The following ABI3BP variants were observed in gnomAD, a reference collection of about 807,000 sequenced individuals.
The protein encoded by ABI3BP is target of Nesh-SH3.
A neutral mutation model predicts 268.6 loss-of-function variants in ABI3BP; 216 were observed. The ratio of observed to expected loss-of-function variants is 0.80; its 90% CI spans 0.72 to 0.90. The LOEUF (loss-of-function observed/expected upper bound fraction) is 0.90. ABI3BP is among the 40% of genes least tolerant of loss of function. The probability of loss-of-function intolerance (pLI) is 0.00; values close to 1 mark genes in which losing one functional copy is unlikely to be tolerated. For synonymous variants in ABI3BP, 730 were observed against 730.0 expected (o/e 1.00, Z 0.00); for missense variants, 2,090 against 2,182.4 (o/e 0.96, Z 0.84).
intron 1 of ABI3BP, among the ~76,000 whole-genome samples, chr3:100,927,716 C>T (rs2062252262): frequency 6.6e-6 from 1 of 152,068 alleles, no homozygotes; most frequent in African/African-American, 2.4e-5. Flanking sequence ...CATTAGAAAC[C>T]ACCCTTGTGA....
At chr3:100,798,446 C>A (rs1331940366) in intron 51 of ABI3BP, among the ~76,000 whole-genome samples, 1 of 151,962 alleles carries the variant, frequency 6.6e-6, no homozygotes, top group East Asian at 1.9e-4. Context: ...TTAAATTGAA[C>A]AAGAGCACGG....
chr3:100,796,766 A>T (rs2097358406), intron 51 of ABI3BP, among the ~76,000 whole-genome samples: 1 of 152,106 alleles, frequency 6.6e-6, no homozygotes, highest in Non-Finnish European at 1.5e-5. Context: ...AGCTCCCTCA[A>T]GTGGCTTTCA....
At chr3:100,817,374 A>G in intron 42 of ABI3BP, 62 bp downstream of exon 42, 1 of 1,172,498 alleles carries the variant, frequency 8.5e-7, no homozygotes, top group Non-Finnish European at 1.2e-6. Flanking sequence ...GATTATGATA[A>G]TGATGGAATG....
intron 62 of ABI3BP, among the ~76,000 whole-genome samples, chr3:100,767,818 A>T (rs1422029136): frequency 6.6e-6 from 1 of 152,112 alleles, no homozygotes; most frequent in Non-Finnish European, 1.5e-5. Context: ...TGCTTTTATT[A>T]TTATTTATCA....
At chr3:100,932,419 G>A (rs997036383) in intron 1 of ABI3BP, among the ~76,000 whole-genome samples, 18 of 151,982 alleles carry the variant, frequency 1.2e-4, no homozygotes, top group African/African-American at 4.3e-4. Flanking sequence ...CTATAGAAAG[G>A]GAGAAAATAT....
At position 100,886,290 on chromosome 3, in the gene ABI3BP, T is replaced by TTTATCTC. The variant is rs745422888; in HGVS notation, c.494_495insGAGATAA (p.Glu166ArgfsTer2). 6.2e-7 allele frequency: 1 copy of TTTATCTC among 1,606,586 alleles called. No homozygotes were observed. ...AGATTTGAAAAATCCACTTCTTTTC[T>TTTATCTC]TTATCCTTTTCTCGATAGCGAATTG... On this transcript the variant is annotated stop_gained and frameshift_variant, in exon 5 of 68. Coordinates refer to ENST00000471714, the MANE Select transcript of ABI3BP (RefSeq NM_001375547.2). LOFTEE classifies it high-confidence loss of function.
chr3:100,851,943 T>TAAAAAAA lies in ABI3BP; in HGVS notation c.1286-10_1286-4dup. 4.3e-6 allele frequency: 6 copies of TAAAAAAA among 1,391,338 alleles called. No individual in the cohort carries two copies. The highest frequency in any genetic ancestry group is 5.8e-6 in the Non-Finnish European group (6 of 1,042,222). The allele number at this position is 1,391,338 out of a possible 1,614,324, so 86.2% of individuals were successfully genotyped here. A position where few individuals can be genotyped will look rare whatever the true frequency, so the allele number is the denominator to read the frequency against. On this transcript the variant is annotated splice_polypyrimidine_tract_variant and splice_region_variant and intron_variant, in intron 14 of 67. Transcript: ENST00000471714. ...GCTTGAGAAAACATCATAAGTTGCT[T>TAAAAAAA]AAAAAAAAAAAAAAGGCAAAACAAG...
chr3:100,983,053 A>G (rs2090326736), intron 1 of ABI3BP, among the ~76,000 whole-genome samples: 1 of 152,212 alleles, frequency 6.6e-6, no homozygotes, highest in Admixed American at 6.5e-5. Context: ...GTGGCCTCTC[A>G]GGAGGACCCT....
rs1203471274 is a variant in ABI3BP, at chr3:100,774,601, A to T, written c.4531+4T>A. The T allele has an allele frequency of 1.3e-6, 2 of 1,575,526 alleles. No homozygotes were observed. The highest frequency in any genetic ancestry group is 2.4e-5 in the South Asian group (2 of 84,612). ...ATGTGAGATTCACAGCCAGTCATAC[A>T]TACCTTTGAATCTTGGCTTCCCAAG... On this transcript the variant is annotated splice_donor_region_variant and intron_variant, in intron 61 of 67. Coordinates refer to ENST00000471714, the MANE Select transcript of ABI3BP (RefSeq NM_001375547.2).
chr3:100,750,370 AT>A lies in ABI3BP; in HGVS notation c.*124del. On this transcript the variant is annotated 3_prime_UTR_variant, in exon 68 of 68. Coordinates refer to ENST00000471714, the MANE Select transcript of ABI3BP (RefSeq NM_001375547.2). ...TCTTTTCTAATAATAAACATCTAGTATTGCTATTAATTAGATTGTAGACTTT... is the reference window on the plus strand; with the variant it reads ...TCTTTTCTAATAATAAACATCTAGTATGCTATTAATTAGATTGTAGACTTT... The A allele has an allele frequency of 1.6e-6, 1 of 613,222 alleles. No individual in the cohort carries two copies. The highest frequency in any genetic ancestry group is 2.7e-6 in the Non-Finnish European group (1 of 365,888). The allele number at this position is 613,222 out of a possible 1,614,324, so 38.0% of individuals were successfully genotyped here.
intron 67 of ABI3BP, 105 bp downstream of exon 67, chr3:100,751,447 G>A (rs1293927331): frequency 8.3e-7 from 1 of 1,207,440 alleles, no homozygotes; most frequent in Non-Finnish European, 1.1e-6. Flanking sequence ...ATGTGGAGCA[G>A]TAGTACTATA....
intron 60 of ABI3BP, 61 bp from the exon 61 acceptor site, chr3:100,774,734 A>G: frequency 7.8e-7 from 1 of 1,287,518 alleles, no homozygotes; most frequent in Non-Finnish European, 1.1e-6. Flanking sequence ...CAATACAATG[A>G]AAAAGTTGTA....
In ABI3BP at chr3:100,753,838, T is replaced by G; in HGVS notation, c.4941A>C (p.Arg1647Ser). 1 of 1,610,866 alleles carries G rather than the reference T, an allele frequency of 6.2e-7. No individual in the cohort carries two copies. The highest frequency in any genetic ancestry group is 8.5e-7 in the Non-Finnish European group (1 of 1,178,680). ...ACTTACCAGAAACTGGCTCACTCAC[T>G]CTTGGGTCCGCTGAGGAGAAATAAA... is the stretch of plus-strand genomic sequence containing the variant. ...VAFSTESADP[R>S]VSEPVSAGRD... Residue 1647 changes from arginine (R) to serine (S), a missense_variant, in exon 65 of 68, where the codon AGA (arginine) becomes AGC (serine). Transcript: ENST00000471714.
At chr3:100,828,332 G>T in intron 34 of ABI3BP, 61 bp downstream of exon 34, 1 of 1,432,190 alleles carries the variant, frequency 7.0e-7, no homozygotes, top group Non-Finnish European at 9.5e-7. Flanking sequence ...GCAATATACA[G>T]TGGAATAAGC....
chr3:100,929,827 C>T (rs927187160), intron 1 of ABI3BP, among the ~76,000 whole-genome samples: 4 of 151,986 alleles, frequency 2.6e-5, no homozygotes, highest in African/African-American at 9.7e-5. Context: ...CCTTGACTTA[C>T]TCAGTTATTA....
At chr3:100,854,018 C>T (rs978245003) in intron 14 of ABI3BP, among the ~76,000 whole-genome samples, 1 of 152,060 alleles carries the variant, frequency 6.6e-6, no homozygotes, top group Admixed American at 6.6e-5. Context: ...CACCACACCT[C>T]ATTTCATTTA....
chr3:100,802,980 G>A (rs1024952841), intron 51 of ABI3BP, among the ~76,000 whole-genome samples: 2 of 146,300 alleles, frequency 1.4e-5, no homozygotes, highest in African/African-American at 4.9e-5. Context: ...CAATGTGTTT[G>A]AACACTTCTG....
intron 1 of ABI3BP, among the ~76,000 whole-genome samples, chr3:100,980,548 G>C (rs1562267453): frequency 6.6e-6 from 1 of 152,176 alleles, no homozygotes; most frequent in Non-Finnish European, 1.5e-5. Context: ...GAGATGATGA[G>C]GGTCTTCCAA....
At chr3:100,750,688 C>A (rs536077582) in intron 67 of ABI3BP, 78 bp from the exon 68 acceptor site, 274 of 949,872 alleles carry the variant, frequency 2.9e-4, no homozygotes, top group Non-Finnish European at 4.2e-4. Context: ...TGAAGGATGT[C>A]GTTGACTAGC....
Sources: allele counts gnomAD v4.1 joint callset (sites outside exome capture counted in the v4.1 genomes callset), GRCh38; gene constraint gnomAD v4.1.1; transcripts MANE v1.5; gene names NCBI Gene and HGNC (gene_info 2026-07-23, HGNC 2026-07-21).